RASAL2: variants seen among roughly 807,000 people sequenced by gnomAD.
RASAL2 encodes ras GTPase-activating protein nGAP.
RASAL2 carries 58 observed loss-of-function variants against 128.9 expected under a neutral mutation model. That is an observed-to-expected ratio of 0.45 (90% CI 0.36 to 0.56). The LOEUF is 0.56. Among genes scored for constraint, RASAL2 ranks in the 20% least tolerant of loss-of-function variants. The probability of loss-of-function intolerance (pLI) is 0.00; values close to 1 mark genes in which losing one functional copy is unlikely to be tolerated. For missense variants in RASAL2, 1,360 were observed against 1,601.6 expected (o/e 0.85, Z 2.57); for synonymous variants, 561 against 580.8 (o/e 0.97, Z 0.49).
intron 1 of RASAL2, among the ~76,000 whole-genome samples, chr1:178,202,226 G>A (rs1662897995): frequency 6.6e-6 from 1 of 152,108 alleles, no homozygotes; most frequent in Non-Finnish European, 1.5e-5. Flanking sequence ...TACATGATCG[G>A]GCTTGAGCAG....
intron 1 of RASAL2, among the ~76,000 whole-genome samples, chr1:178,150,375 AG>A (rs1660871180): frequency 6.6e-6 from 1 of 151,956 alleles, no homozygotes; most frequent in South Asian, 2.1e-4. Context: ...TAGTAGAGAC[AG>A]GGTTTTGCCA....
chr1:178,231,218 G>C (rs1388149201), intron 1 of RASAL2, among the ~76,000 whole-genome samples: 2 of 152,116 alleles, frequency 1.3e-5, no homozygotes, highest in Admixed American at 6.5e-5. Context: ...CATGCCTGGT[G>C]GTCACCTGAC....
At chr1:178,175,651 T>C (rs986795973) in intron 1 of RASAL2, among the ~76,000 whole-genome samples, 4 of 150,736 alleles carry the variant, frequency 2.7e-5, no homozygotes, top group South Asian at 2.1e-4. Flanking sequence ...GTGGTGTACA[T>C]TGTACCCTAT....
At chr1:178,267,161 T>G (rs60838313) in intron 1 of RASAL2, among the ~76,000 whole-genome samples, 7,692 of 152,288 alleles carry the variant, frequency 0.051, 286 homozygotes, top group African/African-American at 0.11. Flanking sequence ...CTTAACAGAT[T>G]ACATTGACTT....
chr1:178,168,348 A>C (rs1558092429), intron 1 of RASAL2, among the ~76,000 whole-genome samples: 2 of 151,790 alleles, frequency 1.3e-5, no homozygotes, highest in African/African-American at 2.4e-5. Context: ...TTATATGAAG[A>C]TGTAGATACA....
chr1:178,299,426 C>T (rs1557886021), intron 2 of RASAL2, among the ~76,000 whole-genome samples: 1 of 152,104 alleles, frequency 6.6e-6, no homozygotes, highest in South Asian at 2.1e-4. Flanking sequence ...GGAGCAAGTA[C>T]GCACCTGGTT....
intron 3 of RASAL2, among the ~76,000 whole-genome samples, chr1:178,317,920 G>A (rs1464042886): frequency 1.3e-5 from 2 of 151,668 alleles, no homozygotes; most frequent in African/African-American, 2.4e-5. Context: ...GCTTTCTCTT[G>A]TGGGCATTTA....
chr1:178,269,442 G>C (rs896333655), intron 1 of RASAL2, among the ~76,000 whole-genome samples: 1 of 152,222 alleles, frequency 6.6e-6, no homozygotes, highest in Non-Finnish European at 1.5e-5. Flanking sequence ...TGGGTACAGT[G>C]AGGCTGAAAC....
chr1:178,289,339 CTCT>C (rs1234490914), intron 2 of RASAL2, among the ~76,000 whole-genome samples: 3 of 152,052 alleles, frequency 2.0e-5, no homozygotes, highest in East Asian at 3.9e-4. Flanking sequence ...TTACAGATTT[CTCT>C]TCTTCTCTTC....
intron 1 of RASAL2, among the ~76,000 whole-genome samples, chr1:178,181,305 A>G (rs778806381): frequency 3.3e-5 from 5 of 152,000 alleles, no homozygotes; most frequent in Non-Finnish European, 7.4e-5. Flanking sequence ...CATTCATCAT[A>G]CTTAATGAAA....
In RASAL2 at chr1:178,095,024, T is replaced by G. The variant is rs1414520168; in HGVS notation, c.202+330T>G. Reference sequence around the variant, plus strand: ...AAGAAGGTATGATGGAAAAACTCCATGAAACCAAGTGAATGGATTTTCGTC... The same window carrying G: ...AAGAAGGTATGATGGAAAAACTCCAGGAAACCAAGTGAATGGATTTTCGTC... On this transcript the variant is annotated intron_variant, in intron 1 of 17. Transcript: ENST00000367649. Among the ~76,000 whole-genome samples, 6 of 152,322 alleles carry G rather than the reference T, an allele frequency of 3.9e-5. No homozygotes were observed. The East Asian group carries it at 7.7e-4, about 20-fold the overall frequency.
intron 3 of RASAL2, among the ~76,000 whole-genome samples, chr1:178,322,990 G>C (rs760153680): frequency 5.3e-5 from 8 of 152,136 alleles, no homozygotes; most frequent in Non-Finnish European, 7.4e-5. Context: ...GGAATATCTT[G>C]CTCTGTTTTT....
chr1:178,443,082 T>A lies in RASAL2; in HGVS notation c.1335T>A (p.Pro445=). Residue 445 remains proline, a synonymous_variant, in exon 8 of 18, where the codon CCT becomes CCA. Transcript: ENST00000367649. ...GTTTCCAAACTATCACCATTCTGCC[T>A]ATGGAGCAATACAAAGAATTTGCAG... ...KSRFQTITIL[P]MEQYKEFAEF... is the part of the protein sequence containing the mutation. The A allele has an allele frequency of 6.2e-7, 1 of 1,614,002 alleles. No individual in the cohort carries two copies. The highest frequency in any genetic ancestry group is 8.5e-7 in the Non-Finnish European group (1 of 1,179,948).
At chr1:178,407,712 G>A (rs1425284329) in intron 4 of RASAL2, among the ~76,000 whole-genome samples, 1 of 152,074 alleles carries the variant, frequency 6.6e-6, no homozygotes, top group African/African-American at 2.4e-5. Context: ...ATTAAAGCAG[G>A]GTTTTGTTGC....
chr1:178,471,230 T>TA (rs1227407937), intron 17 of RASAL2, among the ~76,000 whole-genome samples: 1 of 152,140 alleles, frequency 6.6e-6, no homozygotes, highest in Admixed American at 6.5e-5. Context: ...TTCAAGAAAT[T>TA]ATCAGTTACT....
intron 1 of RASAL2, among the ~76,000 whole-genome samples, chr1:178,161,310 T>C (rs1262683026): frequency 6.6e-6 from 1 of 152,178 alleles, no homozygotes; most frequent in Non-Finnish European, 1.5e-5. Context: ...CAACCACTAA[T>C]TTACTTTCTG....
At chr1:178,118,419 G>A (rs920068444) in intron 1 of RASAL2, among the ~76,000 whole-genome samples, 10 of 152,000 alleles carry the variant, frequency 6.6e-5, no homozygotes, top group Admixed American at 3.9e-4. Flanking sequence ...GCTCGTTGTC[G>A]TGCAACTAGA....
chr1:178,107,860 G>T (rs184715100), intron 1 of RASAL2, among the ~76,000 whole-genome samples: 76 of 152,174 alleles, frequency 5.0e-4, no homozygotes, highest in African/African-American at 1.7e-3. Context: ...TTCATTTGTT[G>T]ATGGACATTT....
At chr1:178,311,819 A>G (rs1668267076) in intron 3 of RASAL2, among the ~76,000 whole-genome samples, 2 of 152,078 alleles carry the variant, frequency 1.3e-5, no homozygotes, top group Non-Finnish European at 2.9e-5. Flanking sequence ...ACTAAAACAT[A>G]CAAAAAAAGA....
Sources: allele counts gnomAD v4.1 joint callset (sites outside exome capture counted in the v4.1 genomes callset), GRCh38; gene constraint gnomAD v4.1.1; transcripts MANE v1.5; gene names NCBI Gene and HGNC (gene_info 2026-07-23, HGNC 2026-07-21).